The following NRF1 variants were observed in gnomAD, a reference collection of about 807,000 sequenced individuals.
NRF1 encodes alpha palindromic-binding protein.
Under a neutral mutation model 58.5 loss-of-function variants are expected in NRF1, and 5 were observed. The ratio of observed to expected loss-of-function variants is 0.09; its 90% CI spans 0.04 to 0.18. The LOEUF (loss-of-function observed/expected upper bound fraction) is 0.18, where lower values mean the gene tolerates loss of function less well. NRF1 is among the 10% of genes least tolerant of loss of function. The pLI is 1.00. For missense variants in NRF1, 288 were observed against 657.7 expected (o/e 0.44, Z 6.15); for synonymous variants, 224 against 246.7 (o/e 0.91, Z 0.86).
Position 129,690,487 on chromosome 7 carries a change from T to C in NRF1, c.547T>C (p.Ser183Pro). 6.2e-7 allele frequency: 1 copy of C among 1,614,130 alleles called. No homozygotes were observed. The highest frequency in any genetic ancestry group is 8.5e-7 in the Non-Finnish European group (1 of 1,180,026). ...CGCCCCTGCGCCACAGGAGGTTAAC[T>C]CAGAACTGCCGCCTCTCACCATCGA... ...EHAPAPQEVN[S>P]ELPPLTIDGI... is the part of the protein sequence containing the mutation. The change falls in exon 5 of 11, where the codon TCA becomes CCA. Residue 183 changes from serine to proline, a missense_variant. Ser to Pro is a moderately conservative substitution (Grantham distance 74). Around this residue, in one of 3 missense-constraint regions of NRF1, gnomAD observed 212 missense variants for 559.7 expected, o/e 0.38. Transcript: ENST00000393232.
chr7:129,617,235 A>G (rs1159856572), intron 1 of NRF1, among the ~76,000 whole-genome samples: 2 of 152,120 alleles, frequency 1.3e-5, no homozygotes, highest in Non-Finnish European at 2.9e-5. Context: ...TTTTAAAAAG[A>G]GCATGTATTT....
intron 4 of NRF1, among the ~76,000 whole-genome samples, chr7:129,684,755 A>G (rs1417229934): frequency 6.6e-6 from 1 of 152,238 alleles, no homozygotes; most frequent in Non-Finnish European, 1.5e-5. Flanking sequence ...GGAAAGTAGT[A>G]TAGTGAAAGC....
intron 1 of NRF1, among the ~76,000 whole-genome samples, chr7:129,625,705 G>A (rs12666494): frequency 0.17 from 19,103 of 113,442 alleles, 1,540 homozygotes; most frequent in African/African-American, 0.26. Flanking sequence ...TTTTTGAGAC[G>A]GAGTCTCGCT....
chr7:129,625,972 A>G lies in NRF1; in HGVS notation c.-7+14148A>G, dbSNP rs182152907. ...GCTGGGATTACAAGCATGAGCCACC[A>G]CACCCAGCCCCATGTTTTAATTTTT... On this transcript the variant is annotated intron_variant, in intron 1 of 10. Coordinates refer to ENST00000393232, the MANE Select transcript of NRF1 (RefSeq NM_005011.5). Among the ~76,000 whole-genome samples, 360 of 152,034 alleles carry G rather than the reference A, an allele frequency of 2.4e-3. 1 individual carries two copies. The highest frequency in any genetic ancestry group is 7.2e-3 in the African/African-American group (300 of 41,492).
intron 10 of NRF1, among the ~76,000 whole-genome samples, chr7:129,745,506 A>ACCCC (rs35406699): frequency 5.0e-4 from 56 of 112,556 alleles, no homozygotes; most frequent in African/African-American, 1.1e-3. Context: ...ATCCCCCTCA[A>ACCCC]CCCCCCCCCC....
At chr7:129,720,244 C>A (rs1269964423) in intron 9 of NRF1, among the ~76,000 whole-genome samples, 1 of 152,200 alleles carries the variant, frequency 6.6e-6, no homozygotes, top group Non-Finnish European at 1.5e-5. Context: ...GCAGCAGAGA[C>A]TAGACTATAG....
intron 5 of NRF1, among the ~76,000 whole-genome samples, chr7:129,697,790 A>G (rs1802733690): frequency 6.6e-6 from 1 of 151,788 alleles, no homozygotes; most frequent in Non-Finnish European, 1.5e-5. Context: ...GCTGGAGTGA[A>G]ATGGTGCGAT....
At chr7:129,654,343 A>G (rs1440017562) in intron 1 of NRF1, among the ~76,000 whole-genome samples, 1 of 152,100 alleles carries the variant, frequency 6.6e-6, no homozygotes, top group Non-Finnish European at 1.5e-5. Flanking sequence ...GTTTTTAAGA[A>G]TTCCTTATTT....
intron 10 of NRF1, among the ~76,000 whole-genome samples, chr7:129,749,824 G>GTT (rs1025306147): frequency 2.7e-5 from 4 of 146,186 alleles, no homozygotes; most frequent in Non-Finnish European, 6.0e-5. Context: ...CTGTGTTGAG[G>GTT]TTTTTTTTTT....
intron 4 of NRF1, among the ~76,000 whole-genome samples, chr7:129,683,633 A>ATTTT (rs36101502): frequency 3.4e-5 from 4 of 117,432 alleles, no homozygotes; most frequent in Non-Finnish European, 5.1e-5. Flanking sequence ...ACTGGCCGGA[A>ATTTT]TTTTTTTTTT....
chr7:129,656,139 A>T (rs568843778), intron 1 of NRF1, among the ~76,000 whole-genome samples: 22 of 152,078 alleles, frequency 1.4e-4, no homozygotes, highest in Non-Finnish European at 2.9e-4. Flanking sequence ...TTGAGGAACT[A>T]ATATGTAAAG....
intron 1 of NRF1, among the ~76,000 whole-genome samples, chr7:129,635,736 A>G (rs975647202): frequency 5.7e-4 from 87 of 152,090 alleles, no homozygotes; most frequent in African/African-American, 1.8e-3. Context: ...AGTGCCCCCA[A>G]GTGGTTGTCT....
rs1803833693 is a variant in NRF1, at chr7:129,741,011, G to A, written c.1348+13646G>A. On this transcript the variant is annotated intron_variant, in intron 10 of 10. Coordinates refer to ENST00000393232, the MANE Select transcript of NRF1 (RefSeq NM_005011.5). This position sits in a 1 kb window ranked among gnomAD's most constrained non-coding sequence, Gnocchi z 4.0. The stretch of plus-strand genomic sequence containing the variant: ...TCATGTGAAAGACTGGATACCTCTA[G>A]TCGACATGTCAGGGCCCCAAAGGAA... 6.6e-6 allele frequency among the ~76,000 whole-genome samples: 1 copy of A among 152,138 alleles called. No individual in the cohort carries two copies. Among genetic ancestry groups the A allele is most frequent in the South Asian group, 2.1e-4 (1 of 4,822 alleles).
intron 8 of NRF1, among the ~76,000 whole-genome samples, chr7:129,712,154 T>C (rs1458509880): frequency 2.7e-5 from 4 of 150,074 alleles, no homozygotes; most frequent in Non-Finnish European, 5.9e-5. Context: ...TATCTTCACT[T>C]TAGAGATGAG....
chr7:129,724,693 A>G (rs890254331), intron 9 of NRF1, among the ~76,000 whole-genome samples: 1 of 152,222 alleles, frequency 6.6e-6, no homozygotes, highest in South Asian at 2.1e-4. Context: ...AAAGGAAGGA[A>G]ATTCTGACAA....
chr7:129,672,626 A>C (rs1802074182), intron 3 of NRF1, among the ~76,000 whole-genome samples: 1 of 152,198 alleles, frequency 6.6e-6, no homozygotes, highest in East Asian at 1.9e-4. Context: ...TTCGAAAGTC[A>C]ACTCATCATG....
Position 129,629,599 on chromosome 7 carries a change from C to G in NRF1, c.-7+17775C>G, listed in dbSNP as rs1213168432. Among the ~76,000 whole-genome samples the G allele has an allele frequency of 2.0e-5, 3 of 152,242 alleles. 1 individual carries two copies. Among genetic ancestry groups the G allele is most frequent in the African/African-American group, 4.8e-5 (2 of 41,542 alleles). On this transcript the variant is annotated intron_variant, in intron 1 of 10. Coordinates refer to ENST00000393232, the MANE Select transcript of NRF1 (RefSeq NM_005011.5). ...CCGCACACACGCTTTTTGAGACAGC[C>G]ATTTCTGAATGCAGCAGAAAGCTGA...
chr7:129,652,580 T>C (rs1801560318), intron 1 of NRF1, among the ~76,000 whole-genome samples: 1 of 152,160 alleles, frequency 6.6e-6, no homozygotes, highest in Admixed American at 6.5e-5. Flanking sequence ...CACTTCTTCC[T>C]TTTTTAAAAT....
At chr7:129,733,477 A>AAG in intron 10 of NRF1, among the ~76,000 whole-genome samples, 1 of 151,658 alleles carries the variant, frequency 6.6e-6, no homozygotes, top group South Asian at 2.1e-4. Flanking sequence ...AAAAAAAAAA[A>AAG]GAAAAGGAAA....
Sources: gnomAD v4.1 joint callset for allele counts (sites outside exome capture counted in the v4.1 genomes callset) on GRCh38, gnomAD v4.1.1 for gene constraint, gnomAD v4.1.1 regional missense constraint, Gnocchi (gnomAD v3.1) non-coding constraint, MANE v1.5 for transcripts, NCBI Gene and HGNC (gene_info 2026-07-23, HGNC 2026-07-21) for gene names.